CLEC2A: variants seen among roughly 807,000 people sequenced by gnomAD.
CLEC2A encodes C-type lectin domain family 2 member A, also known as keratinocyte-associated C-type lectin.
CLEC2A carries 19 observed loss-of-function variants against 18.6 expected under a neutral mutation model. The observed-to-expected ratio is 1.02, with a 90% confidence interval of 0.71 to 1.50. The LOEUF is 1.50. Ranked by LOEUF, CLEC2A falls within the 40% of genes most tolerant of loss-of-function variation. CLEC2A has a pLI of 0.00. For synonymous variants in CLEC2A, 74 were observed against 64.0 expected, an observed-to-expected ratio of 1.16 and a Z score of -0.75; for missense variants, 190 against 207.9, an observed-to-expected ratio of 0.91 and a Z score of 0.53.
the CLEC2A span, among the ~76,000 whole-genome samples, chr12:9,880,528 G>T: frequency 6.6e-6 from 1 of 151,976 alleles, no homozygotes; most frequent in Non-Finnish European, 1.5e-5. Context: ...GCATGTGTGT[G>T]TGTGTGTGTG....
rs534838409 is a variant in CLEC2A, at chr12:9,906,578, G to T, written c.411-7602C>A. Among the ~76,000 whole-genome samples, 8 of 152,274 alleles carry T rather than the reference G, an allele frequency of 5.3e-5. No homozygotes were observed. The East Asian group carries it at 9.7e-4, about 18-fold the overall frequency. ...TACCTCAAAGGAGTACTTAGAATCA[G>T]TATAAATGGTCCCTTCCTGGTTTTG... On this transcript the variant is annotated intron_variant, in intron 4 of 4. Transcript: ENST00000339766.
At chr12:9,891,470 G>A in the CLEC2A span, among the ~76,000 whole-genome samples, 5 of 152,024 alleles carry the variant, frequency 3.3e-5, no homozygotes, top group Non-Finnish European at 7.4e-5. Flanking sequence ...CACTCCAGTG[G>A]TACTTCATTG....
At chr12:9,903,015 G>C (rs1452413829) in intron 4 of CLEC2A, among the ~76,000 whole-genome samples, 3 of 152,180 alleles carry the variant, frequency 2.0e-5, no homozygotes, top group Admixed American at 6.5e-5. Context: ...GAGTGAGGCT[G>C]AGACATGTCT....
chr12:9,885,819 C>G, the CLEC2A span, among the ~76,000 whole-genome samples: 2 of 151,976 alleles, frequency 1.3e-5, no homozygotes, highest in African/African-American at 4.8e-5. Context: ...CTGAAAATGT[C>G]CACTTATTTA....
chr12:9,881,379 T>C, the CLEC2A span: 5 of 465,990 alleles, frequency 1.1e-5, no homozygotes, highest in African/African-American at 9.8e-5. Flanking sequence ...ATTCACAGAA[T>C]TGTAGCCAGA....
intron 4 of CLEC2A, among the ~76,000 whole-genome samples, chr12:9,902,966 G>C (rs560889802): frequency 2.0e-5 from 3 of 152,144 alleles, no homozygotes; most frequent in Non-Finnish European, 2.9e-5. Context: ...TGTGGAGCAC[G>C]AGAAGGCTAA....
chr12:9,900,305 T>C (rs1158904050), intron 4 of CLEC2A, among the ~76,000 whole-genome samples: 1 of 152,196 alleles, frequency 6.6e-6, no homozygotes, highest in Non-Finnish European at 1.5e-5. Context: ...CACAAGAACA[T>C]GCAGGATTAG....
At chr12:9,891,978 T>C in the CLEC2A span, among the ~76,000 whole-genome samples, 1 of 152,226 alleles carries the variant, frequency 6.6e-6, no homozygotes, top group Non-Finnish European at 1.5e-5. Flanking sequence ...GCATTTATTA[T>C]ATACAAAATA....
the CLEC2A span, among the ~76,000 whole-genome samples, chr12:9,889,721 G>T: frequency 7.3e-5 from 11 of 151,426 alleles, no homozygotes; most frequent in Non-Finnish European, 1.6e-4. Flanking sequence ...AATGCCATTG[G>T]TTGTGGCTAT....
At chr12:9,902,422 G>A (rs1280398470) in intron 4 of CLEC2A, among the ~76,000 whole-genome samples, 2 of 151,742 alleles carry the variant, frequency 1.3e-5, no homozygotes, top group Non-Finnish European at 1.5e-5. Flanking sequence ...TAGTAGAAAC[G>A]AGGTTTCATC....
intron 2 of CLEC2A, among the ~76,000 whole-genome samples, 168 bp from the exon 3 acceptor site, chr12:9,922,400 T>C (rs541558280): frequency 6.6e-6 from 1 of 152,284 alleles, no homozygotes; most frequent in South Asian, 2.1e-4. Context: ...GTAAGGAAGA[T>C]CATTTAGTGA....
intron 3 of CLEC2A, among the ~76,000 whole-genome samples, chr12:9,921,377 TCA>T (rs1434823161): frequency 6.6e-6 from 1 of 152,062 alleles, no homozygotes; most frequent in African/African-American, 2.4e-5. Context: ...TTGCTTGATC[TCA>T]GTTTGAGACC....
chr12:9,906,192 C>T (rs758338276), intron 4 of CLEC2A, among the ~76,000 whole-genome samples: 3 of 152,050 alleles, frequency 2.0e-5, no homozygotes, highest in Non-Finnish European at 2.9e-5. Flanking sequence ...GATAATATTT[C>T]CCTTTGATCT....
chr12:9,913,788 C>A, intron 4 of CLEC2A, 108 bp from the exon 5 acceptor site: 1 of 661,378 alleles, frequency 1.5e-6, no homozygotes, highest in Non-Finnish European at 2.5e-6. Context: ...ACTGAGCTCC[C>A]AGAAAATATA....
downstream of CLEC2A, among the ~76,000 whole-genome samples, chr12:9,894,171 G>GTTTCTTTC (rs200285327): frequency 1.3e-5 from 1 of 78,598 alleles, no homozygotes; most frequent in Non-Finnish European, 2.5e-5. Flanking sequence ...TTCCTTCTTT[G>GTTTCTTTC]TTTCTTTCTT....
the CLEC2A span, chr12:9,893,503 A>G: frequency 6.6e-7 from 1 of 1,519,892 alleles, no homozygotes; most frequent in Non-Finnish European, 8.8e-7. Flanking sequence ...AAGGGAACCT[A>G]TGGATGTGGA....
chr12:9,909,450 G>A (rs752271150), downstream of CLEC2A, among the ~76,000 whole-genome samples: 3 of 152,192 alleles, frequency 2.0e-5, no homozygotes, highest in Non-Finnish European at 4.4e-5. Flanking sequence ...TGCCCAGGAT[G>A]GGCATTAACT....
intron 3 of CLEC2A, among the ~76,000 whole-genome samples, chr12:9,919,604 G>A (rs771501338): frequency 2.0e-5 from 3 of 152,202 alleles, no homozygotes; most frequent in Non-Finnish European, 4.4e-5. Context: ...GCGCTTGCGA[G>A]GGGGGCTGGA....
At chr12:9,893,004 C>T in the CLEC2A span, 1 of 1,521,814 alleles carries the variant, frequency 6.6e-7, no homozygotes, top group Non-Finnish European at 8.8e-7. Context: ...TAATTTTCCC[C>T]TATGTTTTCC....
Sources: allele counts gnomAD v4.1 joint callset (sites outside exome capture counted in the v4.1 genomes callset), GRCh38; gene constraint gnomAD v4.1.1; transcripts MANE v1.5; gene names NCBI Gene and HGNC (gene_info 2026-07-23, HGNC 2026-07-21).